NOP58: variants seen among roughly 807,000 people sequenced by gnomAD.
NOP58 encodes nucleolar protein 58.
Under a neutral mutation model 71.2 loss-of-function variants are expected in NOP58, and 44 were observed. The observed-to-expected ratio is 0.62, with a 90% CI of 0.49 to 0.79. The LOEUF (loss-of-function observed/expected upper bound fraction) is 0.79, where lower values mean the gene tolerates loss of function less well. NOP58 is among the 30% of genes least tolerant of loss of function. NOP58 has a pLI of 0.00. For synonymous variants in NOP58, 228 were observed against 200.3 expected, an observed-to-expected ratio of 1.14 and a Z score of -1.17; for missense variants, 538 against 620.2, an observed-to-expected ratio of 0.87 and a Z score of 1.41.
Position 202,275,160 on chromosome 2 carries a change from A to G in NOP58, c.93A>G (p.Glu31=), listed in dbSNP as rs374735047. ...AAGAGGTTGATAGTTTATGGAAAGA[A>G]TTTGAAACTCCAGAGAAAGCAAACA... ...KLQEVDSLWK[E]FETPEKANKI... The change falls in exon 2 of 15, where the codon GAA becomes GAG. Residue 31 remains glutamate, a synonymous_variant. Transcript: ENST00000264279. 3 of 1,573,334 alleles carry G rather than the reference A, an allele frequency of 1.9e-6. No individual in the cohort carries two copies. In the African/African-American group the frequency reaches 4.1e-5, roughly 21 times the overall value.
intron 1 of NOP58, among the ~76,000 whole-genome samples, chr2:202,269,898 T>C (rs1032070110): frequency 6.6e-6 from 1 of 152,216 alleles, no homozygotes; most frequent in Non-Finnish European, 1.5e-5. Flanking sequence ...GAGATGTAAC[T>C]GATAGGACTG....
At chr2:202,267,370 G>T (rs1235843660) in intron 1 of NOP58, among the ~76,000 whole-genome samples, 4 of 152,098 alleles carry the variant, frequency 2.6e-5, no homozygotes, top group Non-Finnish European at 5.9e-5. Flanking sequence ...TACGCAGTTT[G>T]CATTTGATAC....
chr2:202,266,300 G>A (rs1414682203), intron 1 of NOP58, among the ~76,000 whole-genome samples: 2 of 148,084 alleles, frequency 1.4e-5, no homozygotes, highest in African/African-American at 2.6e-5. Context: ...ATGATCGAAA[G>A]ATTTTTTTTT....
chr2:202,267,036 G>A (rs566703622), intron 1 of NOP58, among the ~76,000 whole-genome samples: 1 of 152,260 alleles, frequency 6.6e-6, no homozygotes, highest in South Asian at 2.1e-4. Flanking sequence ...CGTGGGGAAA[G>A]TTTGACAAGT....
At chr2:202,278,983 C>G (rs185595977) in intron 3 of NOP58, among the ~76,000 whole-genome samples, 9 of 152,078 alleles carry the variant, frequency 5.9e-5, no homozygotes, top group African/African-American at 1.9e-4. Flanking sequence ...TTCACCAACT[C>G]TTCAGTAATT....
rs552807043 is a variant in NOP58, at chr2:202,276,951, A to G, written c.123-999A>G. ...CAGGAGTTTGAGACCAGCCTGGCCA[A>G]TATGGTGAAACCTCTTCTCTACTAA... On this transcript the variant is annotated intron_variant, in intron 2 of 14. Transcript: ENST00000264279. 3.4e-4 allele frequency among the ~76,000 whole-genome samples: 51 copies of G among 151,912 alleles called. No individual in the cohort carries two copies. In the Middle Eastern group the frequency reaches 0.014, roughly 41 times the overall value.
intron 3 of NOP58, among the ~76,000 whole-genome samples, chr2:202,280,055 GAA>G (rs1330865245): frequency 6.6e-6 from 1 of 152,178 alleles, no homozygotes; most frequent in Non-Finnish European, 1.5e-5. Context: ...GTTTTCACCA[GAA>G]AGTTAAATGA....
intron 8 of NOP58, among the ~76,000 whole-genome samples, chr2:202,291,806 C>CAAAAAAA (rs1161178890): frequency 9.6e-5 from 4 of 41,872 alleles, no homozygotes; most frequent in Admixed American, 7.4e-4. Context: ...AACTCCATCT[C>CAAAAAAA]AAAAAAAAAA....
At chr2:202,269,344 T>C (rs1358466926) in intron 1 of NOP58, among the ~76,000 whole-genome samples, 1 of 149,140 alleles carries the variant, frequency 6.7e-6, no homozygotes, top group African/African-American at 2.5e-5. Context: ...GCCTAAATTT[T>C]TTTTTTTTTT....
At position 202,290,315 on chromosome 2, in the gene NOP58, T is replaced by C. The variant is rs138044980; in HGVS notation, c.500-8T>C. 1 of 1,580,478 alleles carries C rather than the reference T, an allele frequency of 6.3e-7. No individual in the cohort carries two copies. Among genetic ancestry groups the C allele is most frequent in the African/African-American group, 1.4e-5 (1 of 73,244 alleles). The stretch of plus-strand genomic sequence containing the variant: ...AAGTTTTGTTTGTTTGTTTTTAATC[T>C]ACTACAGCCTTGTTAGATGACTTGG... On this transcript the variant is annotated splice_polypyrimidine_tract_variant and splice_region_variant and intron_variant, in intron 6 of 14. Coordinates refer to ENST00000264279, the MANE Select transcript of NOP58 (RefSeq NM_015934.5).
At chr2:202,300,039 G>T in intron 12 of NOP58, 195 bp from the exon 13 acceptor site, 1 of 491,426 alleles carries the variant, frequency 2.0e-6, no homozygotes, top group South Asian at 2.7e-5. Flanking sequence ...GAATGTGATT[G>T]ACCTACTTGA....
intron 3 of NOP58, chr2:202,278,397 A>G: frequency 2.5e-6 from 1 of 396,856 alleles, no homozygotes; most frequent in South Asian, 1.9e-5. Context: ...TCCTGAGAAC[A>G]GCCAGGATTC....
intron 7 of NOP58, chr2:202,290,918 G>A: frequency 2.3e-6 from 1 of 439,960 alleles, no homozygotes; most frequent in South Asian, 5.2e-5. Flanking sequence ...ATTATTTTTT[G>A]GAAGAAGGTG....
chr2:202,265,806 T>G lies in NOP58; in HGVS notation c.-136T>G, dbSNP rs1428491842. ...GGAGGGTTTAGGCAGCGTGTTCTGA[T>G]TCTTTGCGGGACGGCGAGCGCATTT... On this transcript the variant is annotated 5_prime_UTR_variant, in exon 1 of 15. Coordinates refer to ENST00000264279, the MANE Select transcript of NOP58 (RefSeq NM_015934.5). The G allele has an allele frequency of 1.1e-6, 1 of 879,610 alleles. No individual in the cohort carries two copies. Among genetic ancestry groups the G allele is most frequent in the Non-Finnish European group, 1.8e-6 (1 of 541,386 alleles). The allele number at this position is 879,610 out of a possible 1,614,324, so 54.5% of individuals were successfully genotyped here. A position where few individuals can be genotyped will look rare whatever the true frequency, so the allele number is the denominator to read the frequency against.
At chr2:202,299,635 A>G (rs781724073) in intron 12 of NOP58, among the ~76,000 whole-genome samples, 11 of 150,292 alleles carry the variant, frequency 7.3e-5, no homozygotes, top group Middle Eastern at 3.5e-3. Flanking sequence ...TGCAATTAGT[A>G]CTTTTTACTT....
chr2:202,279,332 A>G (rs189224748), intron 3 of NOP58, among the ~76,000 whole-genome samples: 1 of 152,316 alleles, frequency 6.6e-6, no homozygotes, highest in Non-Finnish European at 1.5e-5. Context: ...AATACCTAAT[A>G]TATTGAGCAC....
intron 1 of NOP58, 84 bp from the exon 2 acceptor site, chr2:202,275,029 C>A: frequency 3.2e-6 from 2 of 631,540 alleles, no homozygotes; most frequent in Non-Finnish European, 5.5e-6. Context: ...CTTCATTTTA[C>A]ATGTAAAATT....
At chr2:202,282,535 G>A (rs1213654463) in intron 4 of NOP58, 63 bp downstream of exon 4, 22 of 1,494,184 alleles carry the variant, frequency 1.5e-5, no homozygotes, top group South Asian at 4.0e-5. Flanking sequence ...CAACTACAAA[G>A]CCTAGCCTTT....
At chr2:202,288,851 G>C (rs1688835966) in intron 6 of NOP58, among the ~76,000 whole-genome samples, 3 of 152,038 alleles carry the variant, frequency 2.0e-5, no homozygotes, top group Non-Finnish European at 2.9e-5. Flanking sequence ...GGGCGCAGTG[G>C]CTCACACCTG....
Sources: allele counts gnomAD v4.1 joint callset (sites outside exome capture counted in the v4.1 genomes callset), GRCh38; gene constraint gnomAD v4.1.1; transcripts MANE v1.5; gene names NCBI Gene and HGNC (gene_info 2026-07-23, HGNC 2026-07-21).